FERRY3: variants seen among roughly 807,000 people sequenced by gnomAD.
The protein encoded by FERRY3 is protein C12orf4.
chr12:4,536,282 T>C, the FERRY3 span: 118,139 of 911,714 alleles, frequency 0.13, 10,829 homozygotes, highest in African/African-American at 0.41. Flanking sequence ...TGCTGTCCCA[T>C]TTCTAAGAAA....
chr12:4,534,376 A>G, the FERRY3 span: 3 of 1,438,040 alleles, frequency 2.1e-6, no homozygotes, highest in African/African-American at 4.4e-5. Flanking sequence ...TTGGCTGAGA[A>G]TTCCAATGTG....
the FERRY3 span, among the ~76,000 whole-genome samples, chr12:4,535,547 G>A: frequency 6.6e-6 from 1 of 152,170 alleles, no homozygotes; most frequent in Non-Finnish European, 1.5e-5. The surrounding 1 kb of genome is among the most constrained non-coding windows in gnomAD (Gnocchi z 4.0). Flanking sequence ...ATAGAGCACA[G>A]ACCTTTAAAA....
chr12:4,520,521 A>G, the FERRY3 span, among the ~76,000 whole-genome samples: 63 of 152,354 alleles, frequency 4.1e-4, 1 homozygote, highest in Non-Finnish European at 1.5e-5. Flanking sequence ...GCAGAGAGAC[A>G]GAGAAAAATC....
chr12:4,517,018 C>T, the FERRY3 span: 1 of 1,379,714 alleles, frequency 7.2e-7, no homozygotes, highest in Non-Finnish European at 9.6e-7. Context: ...CATACTATTA[C>T]AGTGATTATA....
At chr12:4,489,656 T>C in the FERRY3 span, 8 of 516,726 alleles carry the variant, frequency 1.5e-5, no homozygotes, top group Admixed American at 3.7e-5. Flanking sequence ...ATATAAATTT[T>C]TGGAATGGTT....
chr12:4,535,925 T>G, the FERRY3 span: 1 of 1,097,174 alleles, frequency 9.1e-7, no homozygotes, highest in Non-Finnish European at 1.2e-6. This position sits in a 1 kb window ranked among gnomAD's most constrained non-coding sequence, Gnocchi z 4.0. Context: ...TTCCAAAGCT[T>G]CTTAGGTTTA....
chr12:4,537,530 A>T, the FERRY3 span, among the ~76,000 whole-genome samples: 10 of 152,220 alleles, frequency 6.6e-5, no homozygotes, highest in African/African-American at 2.4e-4. Context: ...AAAATAAAGA[A>T]CAAAAAATTA....
the FERRY3 span, among the ~76,000 whole-genome samples, chr12:4,500,855 G>A: frequency 2.0e-5 from 3 of 152,204 alleles, no homozygotes; most frequent in Non-Finnish European, 2.9e-5. Flanking sequence ...GTTTCACCAT[G>A]TTGGCTAGGA....
the FERRY3 span, among the ~76,000 whole-genome samples, chr12:4,495,398 G>A: frequency 1.3e-5 from 2 of 152,036 alleles, no homozygotes; most frequent in Admixed American, 6.6e-5. Flanking sequence ...ATATAAAAAA[G>A]CATTTTCTGA....
the FERRY3 span, among the ~76,000 whole-genome samples, chr12:4,528,934 C>T: frequency 6.9e-6 from 1 of 144,374 alleles, no homozygotes; most frequent in Non-Finnish European, 1.5e-5. Flanking sequence ...CACACACACA[C>T]ACACAAACAA....
At chr12:4,523,098 A>G in the FERRY3 span, among the ~76,000 whole-genome samples, 1 of 152,250 alleles carries the variant, frequency 6.6e-6, no homozygotes, top group Non-Finnish European at 1.5e-5. Flanking sequence ...TTTATTCCTC[A>G]ACTGACCTGA....
chr12:4,525,073 C>A, the FERRY3 span: 1 of 659,082 alleles, frequency 1.5e-6, no homozygotes, highest in Non-Finnish European at 2.4e-6. Context: ...TAACCATTGC[C>A]CCCCAAATAA....
the FERRY3 span, among the ~76,000 whole-genome samples, chr12:4,497,742 T>C: frequency 6.6e-6 from 1 of 152,212 alleles, no homozygotes; most frequent in African/African-American, 2.4e-5. Flanking sequence ...TTCTTGCTGA[T>C]AGGTTATTTT....
chr12:4,512,706 A>C, the FERRY3 span, among the ~76,000 whole-genome samples: 1 of 133,268 alleles, frequency 7.5e-6, no homozygotes, highest in African/African-American at 2.9e-5. Context: ...CATGCTAAAA[A>C]CTCTCAATAA....
the FERRY3 span, among the ~76,000 whole-genome samples, chr12:4,512,656 T>C: frequency 2.0e-5 from 3 of 149,232 alleles, no homozygotes; most frequent in Non-Finnish European, 4.4e-5. Context: ...ATTATCTCAA[T>C]AGATGCAGAA....
the FERRY3 span, among the ~76,000 whole-genome samples, chr12:4,530,387 A>G: frequency 4.6e-5 from 7 of 152,204 alleles, no homozygotes; most frequent in Non-Finnish European, 1.0e-4. Context: ...ACAGATGATC[A>G]ACAAAATGCT....
chr12:4,498,639 A>G, the FERRY3 span, among the ~76,000 whole-genome samples: 4 of 152,324 alleles, frequency 2.6e-5, no homozygotes, highest in African/African-American at 9.6e-5. Flanking sequence ...CGGAAGGACA[A>G]GAATTATTTT....
chr12:4,535,423 T>C, the FERRY3 span, among the ~76,000 whole-genome samples: 35 of 152,362 alleles, frequency 2.3e-4, no homozygotes, highest in African/African-American at 7.9e-4. This position sits in a 1 kb window ranked among gnomAD's most constrained non-coding sequence, Gnocchi z 4.0. Flanking sequence ...CCTCTTTATG[T>C]TCCAGTTTCC....
chr12:4,521,080 G>C, the FERRY3 span, among the ~76,000 whole-genome samples: 1 of 152,096 alleles, frequency 6.6e-6, no homozygotes, highest in East Asian at 1.9e-4. Context: ...AGAAAAATAG[G>C]CTGGGTGCGG....
Sources: gnomAD v4.1 joint callset for allele counts (sites outside exome capture counted in the v4.1 genomes callset) on GRCh38, gnomAD v4.1.1 for gene constraint, Gnocchi (gnomAD v3.1) non-coding constraint, MANE v1.5 for transcripts, NCBI Gene and HGNC (gene_info 2026-07-23, HGNC 2026-07-21) for gene names.